The following CEP170 variants were observed in gnomAD, a reference collection of about 807,000 sequenced individuals.
CEP170 encodes centrosomal protein of 170 kDa.
In CEP170, 21 loss-of-function variants were observed where a neutral mutation model predicts 151.9. The ratio of observed to expected loss-of-function variants is 0.14; its 90% CI spans 0.10 to 0.20. The LOEUF is 0.20. Among genes scored for constraint, CEP170 ranks in the 10% least tolerant of loss-of-function variants. The pLI, the probability that CEP170 is intolerant of heterozygous loss-of-function variation, is 1.00. For missense variants in CEP170, 964 were observed against 1,892.9 expected, an observed-to-expected ratio of 0.51 and a Z score of 9.11; for synonymous variants, 356 against 648.8, an observed-to-expected ratio of 0.55 and a Z score of 6.86.
rs1253539168 is a variant in CEP170 at position 243,164,215 on chromosome 1, T to A, written c.3676+69A>T. 483 of 1,210,166 alleles carry A rather than the reference T, an allele frequency of 4.0e-4. 2 individuals are homozygous for A. In the African/African-American group the frequency reaches 7.3e-3, roughly 18 times the overall value. 75.0% of individuals were successfully genotyped at this position (1,210,166 alleles called of 1,614,324 possible). On this transcript the variant is annotated intron_variant, in intron 13 of 19. Coordinates refer to ENST00000366542, the MANE Select transcript of CEP170 (RefSeq NM_014812.3). ...AGACAACTAGAACCTTACTTTTTTT[T>A]TTAAAAAAAAAAAGGAGCCCCCAAA...
rs894381097 is a variant in CEP170 at position 243,190,998 on chromosome 1, G to A, written c.1108+20C>T. 2.7e-6 allele frequency: 4 copies of A among 1,500,630 alleles called. No homozygotes were observed. The African/African-American group carries it at 5.6e-5, about 21-fold the overall frequency. The allele number at this position is 1,500,630 out of a possible 1,614,324, so 93.0% of individuals were successfully genotyped here. On this transcript the variant is annotated intron_variant, in intron 8 of 19. Transcript: ENST00000366542. The stretch of plus-strand genomic sequence containing the variant: ...TCTTTATCGTAAAGTAGGAAGTTCT[G>A]AATGATCAAATCACTTTACCTTTCA...
intron 1 of CEP170, among the ~76,000 whole-genome samples, chr1:243,252,138 C>T (rs2065991914): frequency 6.6e-6 from 1 of 152,128 alleles, no homozygotes; most frequent in Admixed American, 6.5e-5. Context: ...ACACTGAATG[C>T]TCCAGTCAAT....
intron 10 of CEP170, among the ~76,000 whole-genome samples, chr1:243,178,290 C>G (rs1267706898): frequency 8.9e-6 from 1 of 111,956 alleles, no homozygotes; most frequent in Non-Finnish European, 1.6e-5. Flanking sequence ...GCCTGGGCAA[C>G]AGAGCGAGAC....
chr1:243,237,007 T>C (rs988573652), intron 1 of CEP170, among the ~76,000 whole-genome samples: 8 of 152,150 alleles, frequency 5.3e-5, no homozygotes, highest in African/African-American at 7.2e-5. Context: ...ATTTGGGAGG[T>C]GGGTACAAAT....
intron 14 of CEP170, among the ~76,000 whole-genome samples, chr1:243,151,312 T>A (rs1041289787): frequency 5.3e-5 from 8 of 150,548 alleles, no homozygotes; most frequent in African/African-American, 2.0e-4. Context: ...CCATTTTAAA[T>A]TCTGTCTTAC....
At chr1:243,243,822 G>C (rs910132287) in intron 1 of CEP170, among the ~76,000 whole-genome samples, 1 of 151,932 alleles carries the variant, frequency 6.6e-6, no homozygotes, top group Non-Finnish European at 1.5e-5. Flanking sequence ...CACCACGCCC[G>C]TCCATCATTC....
At chr1:243,235,967 G>A (rs2064211423) in intron 1 of CEP170, among the ~76,000 whole-genome samples, 1 of 152,146 alleles carries the variant, frequency 6.6e-6, no homozygotes, top group Non-Finnish European at 1.5e-5. Flanking sequence ...CGTAAAGTCT[G>A]ACTTGTTTGC....
At chr1:243,207,649 C>CAA (rs945705384) in intron 4 of CEP170, among the ~76,000 whole-genome samples, 6 of 151,180 alleles carry the variant, frequency 4.0e-5, no homozygotes, top group Non-Finnish European at 7.4e-5. Flanking sequence ...GAACAAGTCT[C>CAA]AATAAATTGA....
At chr1:243,230,406 TC>T (rs2063634891) in intron 1 of CEP170, among the ~76,000 whole-genome samples, 1 of 152,100 alleles carries the variant, frequency 6.6e-6, no homozygotes, top group Non-Finnish European at 1.5e-5. Context: ...ACAGAAACTC[TC>T]CCGTTAAAGC....
intron 2 of CEP170, among the ~76,000 whole-genome samples, chr1:243,224,464 A>AG (rs1553394209): frequency 5.9e-5 from 9 of 151,990 alleles, no homozygotes; most frequent in African/African-American, 1.5e-4. Context: ...AAAAAAAAAA[A>AG]ATTGCAAAAA....
Position 243,225,340 on chromosome 1 carries a change from A to G in CEP170, c.-41-19T>C, listed in dbSNP as rs1217105274. 5 of 1,010,634 alleles carry G rather than the reference A, an allele frequency of 4.9e-6. No homozygotes were observed. Among genetic ancestry groups the G allele is most frequent in the Non-Finnish European group, 7.1e-6 (5 of 699,908 alleles). 62.6% of individuals were successfully genotyped at this position (1,010,634 alleles called of 1,614,324 possible). ...CGTCATCCTGAAGAGAAACATGAAG[A>G]AAAATATACGTTCAGATATTTTTAG... On this transcript the variant is annotated intron_variant, in intron 1 of 19. Transcript: ENST00000366542.
intron 10 of CEP170, among the ~76,000 whole-genome samples, chr1:243,183,947 T>C (rs1200117202): frequency 2.0e-5 from 3 of 152,174 alleles, no homozygotes; most frequent in Non-Finnish European, 4.4e-5. Flanking sequence ...AAGAGTTTCA[T>C]CTGCTACAAT....
intron 3 of CEP170, 125 bp from the exon 4 acceptor site, chr1:243,212,089 T>C (rs2061859688): frequency 1.8e-6 from 2 of 1,092,934 alleles, no homozygotes; most frequent in South Asian, 5.2e-5. Context: ...ACAGCCTGAG[T>C]ATCATAAGAT....
At chr1:243,172,403 G>C (rs1308061439) in intron 11 of CEP170, among the ~76,000 whole-genome samples, 1 of 152,220 alleles carries the variant, frequency 6.6e-6, no homozygotes, top group African/African-American at 2.4e-5. Context: ...GGGAGGCTGA[G>C]GCGGGTGGAT....
intron 4 of CEP170, among the ~76,000 whole-genome samples, chr1:243,204,072 A>G (rs999193874): frequency 6.6e-6 from 1 of 152,160 alleles, no homozygotes; most frequent in Admixed American, 6.6e-5. Context: ...TTCATCCAAA[A>G]AAGCTCATTT....
intron 1 of CEP170, among the ~76,000 whole-genome samples, chr1:243,241,172 G>A (rs2064801105): frequency 6.6e-6 from 1 of 152,170 alleles, no homozygotes; most frequent in Non-Finnish European, 1.5e-5. Flanking sequence ...CTTTTTGCAA[G>A]AATTACTTAG....
intron 1 of CEP170, among the ~76,000 whole-genome samples, chr1:243,253,650 A>G (rs1375814038): frequency 6.6e-6 from 1 of 152,214 alleles, no homozygotes; most frequent in African/African-American, 2.4e-5. Flanking sequence ...ATACCCAGTT[A>G]GGGTTATACC....
chr1:243,189,742 G>C (rs1245746152), intron 8 of CEP170, among the ~76,000 whole-genome samples: 1 of 151,654 alleles, frequency 6.6e-6, no homozygotes, highest in Non-Finnish European at 1.5e-5. Flanking sequence ...AAATTCTCAA[G>C]GTTCAGCTAC....
Position 243,153,881 on chromosome 1 carries a change from G to A in CEP170, c.3911+2340C>T, listed in dbSNP as rs376288544. Among the ~76,000 whole-genome samples the A allele has an allele frequency of 1.2e-4, 19 of 152,296 alleles. No individual in the cohort carries two copies. The South Asian group carries it at 3.9e-3, about 32-fold the overall frequency. On this transcript the variant is annotated intron_variant, in intron 14 of 19. Coordinates refer to ENST00000366542, the MANE Select transcript of CEP170 (RefSeq NM_014812.3). The stretch of plus-strand genomic sequence containing the variant: ...TTTGGTTATCTGTAAAGCTGGTATT[G>A]TAGCTCTGTTTACCCTAATATTCAT...
Sources: gnomAD v4.1 joint callset for allele counts (sites outside exome capture counted in the v4.1 genomes callset) on GRCh38, gnomAD v4.1.1 for gene constraint, MANE v1.5 for transcripts, NCBI Gene and HGNC (gene_info 2026-07-23, HGNC 2026-07-21) for gene names.